Variants in UBE2D4 observed in about 807,000 individuals in gnomAD.
The protein encoded by UBE2D4 is ubiquitin conjugating enzyme E2 D4.
A neutral mutation model predicts 23.0 loss-of-function variants in UBE2D4; 17 were observed. The observed-to-expected ratio is 0.74, with a 90% CI of 0.51 to 1.11. The LOEUF (loss-of-function observed/expected upper bound fraction) is 1.11, where lower values mean the gene tolerates loss of function less well. UBE2D4 is among the 50% of genes least tolerant of loss of function. UBE2D4 has a pLI of 0.00. For synonymous variants in UBE2D4, 61 were observed against 69.4 expected (o/e 0.88, Z 0.60); for missense variants, 139 against 181.8 (o/e 0.76, Z 1.35).
intron 1 of UBE2D4, among the ~76,000 whole-genome samples, chr7:43,933,007 T>TAG (rs1562597637): frequency 7.7e-6 from 1 of 129,730 alleles, no homozygotes; most frequent in Non-Finnish European, 1.6e-5. Flanking sequence ...TATATATATA[T>TAG]ATATATACAC....
intron 4 of UBE2D4, among the ~76,000 whole-genome samples, chr7:43,948,147 G>C (rs748255901): frequency 6.6e-6 from 1 of 152,192 alleles, no homozygotes; most frequent in Non-Finnish European, 1.5e-5. Flanking sequence ...TCGGTTGCCT[G>C]TTCACTCTGA....
At position 43,951,001 on chromosome 7, in the gene UBE2D4, G is replaced by T. The variant is rs138135695; in HGVS notation, c.398+309G>T. 1.4e-3 allele frequency among the ~76,000 whole-genome samples: 211 copies of T among 152,350 alleles called. 1 individual carries two copies. The highest frequency in any genetic ancestry group is 4.7e-3 in the African/African-American group (197 of 41,576). On this transcript the variant is annotated intron_variant, in intron 6 of 6. Coordinates refer to ENST00000222402, the MANE Select transcript of UBE2D4 (RefSeq NM_015983.4). ...TCAAGACCAGCAAAATCAGTGGTCA[G>T]CCAAGAACAGACTCAGAAGAATCTG... is the stretch of plus-strand genomic sequence containing the variant.
rs1562609843 is a variant in UBE2D4 at position 43,953,048 on chromosome 7, A to G, written c.*353A>G. 3 of 435,052 alleles carry G rather than the reference A, an allele frequency of 6.9e-6. No homozygotes were observed. Among genetic ancestry groups the G allele is most frequent in the Admixed American group, 2.5e-5 (1 of 39,454 alleles). The allele number at this position is 435,052 out of a possible 1,614,324, so 26.9% of individuals were successfully genotyped here. ...GCCTCAAATGGTGCTGCTGCCCATG[A>G]TGGTACCACACCAGGGCCTCAGCCT... On this transcript the variant is annotated 3_prime_UTR_variant, in exon 7 of 7. Transcript: ENST00000222402.
In UBE2D4 at chr7:43,952,783, T is replaced by C. The variant is rs1046480573; in HGVS notation, c.*88T>C. On this transcript the variant is annotated 3_prime_UTR_variant, in exon 7 of 7. Coordinates refer to ENST00000222402, the MANE Select transcript of UBE2D4 (RefSeq NM_015983.4). The stretch of plus-strand genomic sequence containing the variant: ...AAACTTTGGGCTGTTGGCTGAGCCA[T>C]TCAAAGAGCATCATCTGTTCTTCAA... 7.5e-6 allele frequency: 8 copies of C among 1,072,260 alleles called. No homozygotes were observed. The African/African-American group carries it at 9.3e-5, about 13-fold the overall frequency. The allele number at this position is 1,072,260 out of a possible 1,614,324, so 66.4% of individuals were successfully genotyped here.
intron 4 of UBE2D4, among the ~76,000 whole-genome samples, chr7:43,945,377 G>C (rs1368271285): frequency 6.6e-6 from 1 of 152,202 alleles, no homozygotes; most frequent in Non-Finnish European, 1.5e-5. Context: ...TGAGCTGAAA[G>C]GTGACAGTGA....
intron 1 of UBE2D4, among the ~76,000 whole-genome samples, chr7:43,934,669 T>G (rs973506221): frequency 6.7e-6 from 1 of 150,200 alleles, no homozygotes; most frequent in African/African-American, 2.5e-5. Context: ...GAAGAAAAAG[T>G]ACATTTTATT....
intron 2 of UBE2D4, among the ~76,000 whole-genome samples, chr7:43,939,194 G>A (rs1585866771): frequency 1.3e-5 from 2 of 152,270 alleles, no homozygotes; most frequent in South Asian, 2.1e-4. Flanking sequence ...GAGCAGGACA[G>A]TGGAGGAGGG....
At chr7:43,949,679 C>G (rs752305788) in intron 5 of UBE2D4, among the ~76,000 whole-genome samples, 2 of 152,236 alleles carry the variant, frequency 1.3e-5, no homozygotes, top group Admixed American at 6.5e-5. Context: ...GTGCATTTCT[C>G]TCTGGGACCC....
At chr7:43,945,773 T>TC (rs757703380) in intron 4 of UBE2D4, among the ~76,000 whole-genome samples, 130 of 133,546 alleles carry the variant, frequency 9.7e-4, no homozygotes, top group Middle Eastern at 3.8e-3. Flanking sequence ...GGAGGCAAAA[T>TC]CCCTTTTTTT....
At position 43,942,944 on chromosome 7, in the gene UBE2D4, A is replaced by G. The variant is rs1426384998; in HGVS notation, c.121-10A>G. On this transcript the variant is annotated splice_polypyrimidine_tract_variant and intron_variant, in intron 3 of 6. Transcript: ENST00000222402. The stretch of plus-strand genomic sequence containing the variant: ...ATGCACTGATCTCTTTCTGTGTCTC[A>G]TCCTTCCAGAATGACAGTCCTTACC... 1 of 1,613,928 alleles carries G rather than the reference A, an allele frequency of 6.2e-7. No homozygotes were observed. Among genetic ancestry groups the G allele is most frequent in the African/African-American group, 1.3e-5 (1 of 74,862 alleles).
chr7:43,946,319 G>A (rs1223158007), intron 4 of UBE2D4: 1 of 152,026 alleles, frequency 6.6e-6, no homozygotes, highest in Non-Finnish European at 1.5e-5. Flanking sequence ...AAGAAGTAAT[G>A]TGTGGCTGTG....
chr7:43,936,699 A>G (rs1313679792), intron 1 of UBE2D4, among the ~76,000 whole-genome samples: 1 of 152,162 alleles, frequency 6.6e-6, no homozygotes, highest in Non-Finnish European at 1.5e-5. Context: ...CATTCTCTAT[A>G]CCACTATTAT....
intron 5 of UBE2D4, chr7:43,949,118 G>A: frequency 3.2e-6 from 1 of 315,074 alleles, no homozygotes; most frequent in Non-Finnish European, 5.8e-6. Context: ...AGCCCTGAAG[G>A]AAGATACAGG....
At chr7:43,928,375 G>A (rs1585850975) in intron 1 of UBE2D4, among the ~76,000 whole-genome samples, 1 of 151,670 alleles carries the variant, frequency 6.6e-6, no homozygotes, top group East Asian at 1.9e-4. Context: ...ACATTACTGG[G>A]TTTGATTGCC....
intron 1 of UBE2D4, among the ~76,000 whole-genome samples, chr7:43,935,481 A>T (rs1291431672): frequency 6.6e-6 from 1 of 151,970 alleles, no homozygotes; most frequent in Non-Finnish European, 1.5e-5. Flanking sequence ...CACAGAATAC[A>T]TATTTTTTTT....
rs889143944 is a variant in UBE2D4 at position 43,954,999 on chromosome 7, C to T, written c.*2304C>T. 3 of 152,122 alleles carry T rather than the reference C, an allele frequency of 2.0e-5. No homozygotes were observed. The highest frequency in any genetic ancestry group is 6.5e-5 in the Admixed American group (1 of 15,272). 9.4% of individuals were successfully genotyped at this position (152,122 alleles called of 1,614,324 possible). ...GTTGGATATACATAATAGAGAAAGT[C>T]AAATCAGCCCTTTGGGGTTTGTGGT... On this transcript the variant is annotated 3_prime_UTR_variant, in exon 7 of 7. Coordinates refer to ENST00000222402, the MANE Select transcript of UBE2D4 (RefSeq NM_015983.4).
rs556969906 is a variant in UBE2D4 at position 43,927,465 on chromosome 7, C to G, written c.24+909C>G. Among the ~76,000 whole-genome samples, 8 of 152,032 alleles carry G rather than the reference C, an allele frequency of 5.3e-5. No homozygotes were observed. The East Asian group carries it at 1.5e-3, about 29-fold the overall frequency. Reference sequence around the variant, plus strand: ...GTAGCTGGGACTACATGCCACCATGCCAGCCAATTGTTTATTTTTTGTAGA... The same window carrying G: ...GTAGCTGGGACTACATGCCACCATGGCAGCCAATTGTTTATTTTTTGTAGA... On this transcript the variant is annotated intron_variant, in intron 1 of 6. Transcript: ENST00000222402.
Position 43,953,010 on chromosome 7 carries a change from T to A in UBE2D4, c.*315T>A. 2.5e-6 allele frequency: 1 copy of A among 403,016 alleles called. No individual in the cohort carries two copies. The highest frequency in any genetic ancestry group is 4.8e-6 in the Non-Finnish European group (1 of 206,346). The allele number at this position is 403,016 out of a possible 1,614,324, so 25.0% of individuals were successfully genotyped here. On this transcript the variant is annotated 3_prime_UTR_variant, in exon 7 of 7. Transcript: ENST00000222402. ...CTCTTGGGGGGCCAGGCCCTGCACG[T>A]CTCTCCTACCCGGCCTCAAATGGTG...
At chr7:43,941,254 G>A (rs2095971527) in intron 2 of UBE2D4, 1 of 152,232 alleles carries the variant, frequency 6.6e-6, no homozygotes, top group South Asian at 2.1e-4. Flanking sequence ...ACCCACTCCT[G>A]TGGGTGAGTA....
Sources: allele counts gnomAD v4.1 joint callset (sites outside exome capture counted in the v4.1 genomes callset), GRCh38; gene constraint gnomAD v4.1.1; transcripts MANE v1.5; gene names NCBI Gene and HGNC (gene_info 2026-07-23, HGNC 2026-07-21).